MGRN1: variants seen among roughly 807,000 people sequenced by gnomAD.
MGRN1 encodes mahogunin ring finger 1.
Under a neutral mutation model 69.2 loss-of-function variants are expected in MGRN1, and 29 were observed. The ratio of observed to expected loss-of-function variants is 0.42; its 90% CI spans 0.31 to 0.57. The LOEUF is 0.57. Ranked by LOEUF, MGRN1 falls within the 20% of genes least tolerant of loss-of-function variation. The pLI is 0.15. For missense variants in MGRN1, 998 were observed against 796.2 expected (o/e 1.25, Z -3.05); for synonymous variants, 470 against 344.2 (o/e 1.37, Z -4.04).
intron 10 of MGRN1, chr16:4,677,214 C>A: frequency 2.6e-6 from 1 of 389,758 alleles, no homozygotes; most frequent in Non-Finnish European, 4.6e-6. Flanking sequence ...TGTCTCTCGT[C>A]TTTGGAGCGC....
intron 1 of MGRN1, among the ~76,000 whole-genome samples, chr16:4,625,916 G>A (rs1897656209): frequency 3.9e-5 from 6 of 152,198 alleles, no homozygotes; most frequent in Admixed American, 2.6e-4. Flanking sequence ...CTCAGATCCT[G>A]GCGTCTCATC....
At chr16:4,669,403 C>G (rs1338113876) in intron 8 of MGRN1, among the ~76,000 whole-genome samples, 1 of 139,768 alleles carries the variant, frequency 7.2e-6, no homozygotes, top group South Asian at 2.2e-4. Flanking sequence ...CACTGCACTC[C>G]AGCCTGGGTG....
At chr16:4,668,504 C>T (rs765883824) in intron 8 of MGRN1, among the ~76,000 whole-genome samples, 192 bp downstream of exon 8, 2 of 151,916 alleles carry the variant, frequency 1.3e-5, no homozygotes, top group Non-Finnish European at 2.9e-5. Context: ...CTCACATTCA[C>T]ACATATATAG....
rs766433794 is a variant in MGRN1 at position 4,682,853 on chromosome 16, C to T, written c.1389C>T (p.His463=). 5.0e-6 allele frequency: 8 copies of T among 1,605,236 alleles called. No individual in the cohort carries two copies. The highest frequency in any genetic ancestry group is 2.2e-5 in the East Asian group (1 of 44,540). ...TACGGTCCCCGTCTTCCCCCATCCA[C>T]GAAGAGGATGAGGAGAAGCTCTCCG... is the stretch of plus-strand genomic sequence containing the variant. ...STLRSPSSPI[H]EEDEEKLSED... Residue 463 remains histidine (H), a synonymous_variant, in exon 14 of 17, where the codon CAC becomes CAT. Transcript: ENST00000262370.
At chr16:4,673,394 C>A in intron 9 of MGRN1, 104 bp from the exon 10 acceptor site, 3 of 1,425,778 alleles carry the variant, frequency 2.1e-6, no homozygotes, top group Non-Finnish European at 2.8e-6. Flanking sequence ...GTCATGACAG[C>A]CCCCAGGGTA....
chr16:4,678,356 C>T (rs780256193), intron 11 of MGRN1, among the ~76,000 whole-genome samples: 4 of 152,122 alleles, frequency 2.6e-5, no homozygotes, highest in Non-Finnish European at 5.9e-5. Flanking sequence ...CACAGAGAAA[C>T]ACAGAGACAG....
chr16:4,686,585 A>T, intron 16 of MGRN1: 1 of 1,292,240 alleles, frequency 7.7e-7, no homozygotes, highest in Non-Finnish European at 9.8e-7. Context: ...GGGGCCCTGG[A>T]ACAGTCCCAG....
intron 1 of MGRN1, among the ~76,000 whole-genome samples, chr16:4,627,353 C>A (rs528320241): frequency 6.6e-6 from 1 of 152,212 alleles, no homozygotes; most frequent in Non-Finnish European, 1.5e-5. Context: ...TCTGCAGCAG[C>A]GCTCAGCTTG....
chr16:4,681,675 C>G lies in MGRN1; in HGVS notation c.1257C>G (p.Ile419Met). 6.2e-7 allele frequency: 1 copy of G among 1,613,480 alleles called. No homozygotes were observed. The highest frequency in any genetic ancestry group is 8.5e-7 in the Non-Finnish European group (1 of 1,180,018). ...PLYEEITYSG[I>M]SDGLSQASCP... is the part of the protein sequence containing the mutation. Reference sequence around the variant, plus strand: ...ATGAAGAAATCACCTATTCAGGCATCTCGGACGGCCTGTCCCAGGCCAGCT... The same window carrying G: ...ATGAAGAAATCACCTATTCAGGCATGTCGGACGGCCTGTCCCAGGCCAGCT... Residue 419 changes from isoleucine (I) to methionine (M), a missense_variant, in exon 13 of 17, where the codon ATC becomes ATG. Coordinates refer to ENST00000262370, the MANE Select transcript of MGRN1 (RefSeq NM_015246.4).
intron 5 of MGRN1, among the ~76,000 whole-genome samples, chr16:4,663,362 C>CTTT (rs1280170412): frequency 2.6e-4 from 14 of 52,866 alleles, no homozygotes; most frequent in African/African-American, 8.4e-4. Context: ...GGCACCTGGC[C>CTTT]TTGTTTTTTT....
chr16:4,664,520 GT>G (rs2078754381), intron 5 of MGRN1, 188 bp from the exon 6 acceptor site: 2 of 621,192 alleles, frequency 3.2e-6, no homozygotes, highest in Non-Finnish European at 5.8e-6. Flanking sequence ...TGTTGTATCT[GT>G]TTTAACACAC....
Position 4,624,925 on chromosome 16 carries a change from C to G in MGRN1, c.-36C>G. The G allele has an allele frequency of 6.7e-7, 1 of 1,497,498 alleles. No homozygotes were observed. The highest frequency in any genetic ancestry group is 3.0e-5 in the East Asian group (1 of 33,740). 92.8% of individuals were successfully genotyped at this position (1,497,498 alleles called of 1,614,324 possible). A position where few individuals can be genotyped will look rare whatever the true frequency, so the allele number is the denominator to read the frequency against. ...CCCGCCGCTGTCGCCGCTCCCGTTCCGGCCCTGGCCCCTCTGCCCGGCAGC... is the reference window on the plus strand; with the variant it reads ...CCCGCCGCTGTCGCCGCTCCCGTTCGGGCCCTGGCCCCTCTGCCCGGCAGC... On this transcript the variant is annotated 5_prime_UTR_variant, in exon 1 of 17. Transcript: ENST00000262370.
Position 4,683,880 on chromosome 16 carries a change from C to A in MGRN1, c.1566C>A (p.Asp522Glu). The A allele has an allele frequency of 6.2e-7, 1 of 1,612,960 alleles. No individual in the cohort carries two copies. Among genetic ancestry groups the A allele is most frequent in the African/African-American group, 1.3e-5 (1 of 75,018 alleles). ...CTTCCATTGAGAATGTCCTGCAGGA[C>A]AGCAGCCCCGAGCACTGTGGCCGAG... Reference protein sequence around the residue: ...RAASIENVLQDSSPEHCGRGP... With the variant: ...RAASIENVLQESSPEHCGRGP... Residue 522 changes from aspartate to glutamate, a missense_variant, in exon 16 of 17, where the codon GAC becomes GAA. Transcript: ENST00000262370.
chr16:4,684,054 C>A lies in MGRN1; in HGVS notation c.1618+122C>A, dbSNP rs561365226. 5 of 884,916 alleles carry A rather than the reference C, an allele frequency of 5.7e-6. No homozygotes were observed. In the African/African-American group the frequency reaches 6.7e-5, roughly 12 times the overall value. 54.8% of individuals were successfully genotyped at this position (884,916 alleles called of 1,614,324 possible). A position where few individuals can be genotyped will look rare whatever the true frequency, so the allele number is the denominator to read the frequency against. On this transcript the variant is annotated intron_variant, in intron 16 of 16. Coordinates refer to ENST00000262370, the MANE Select transcript of MGRN1 (RefSeq NM_015246.4). ...CTGTCCATTGGAGCCTGGTTCTCTCCCTGGCTCTCAGCCATGCCCCTGCTA... is the reference window on the plus strand; with the variant it reads ...CTGTCCATTGGAGCCTGGTTCTCTCACTGGCTCTCAGCCATGCCCCTGCTA...
chr16:4,663,519 A>T (rs893977850), intron 5 of MGRN1, among the ~76,000 whole-genome samples: 2 of 152,110 alleles, frequency 1.3e-5, no homozygotes, highest in Non-Finnish European at 2.9e-5. Flanking sequence ...TTCATTGAGA[A>T]ATAAATGATT....
intron 1 of MGRN1, among the ~76,000 whole-genome samples, chr16:4,647,885 C>A (rs1437588998): frequency 6.6e-6 from 1 of 152,128 alleles, no homozygotes; most frequent in Non-Finnish European, 1.5e-5. Flanking sequence ...AGCAGCCATG[C>A]TGGGCACCTG....
At chr16:4,660,666 G>A (rs921452797) in intron 5 of MGRN1, among the ~76,000 whole-genome samples, 5 of 152,232 alleles carry the variant, frequency 3.3e-5, no homozygotes, top group Non-Finnish European at 7.3e-5. Context: ...ATCACCTAAA[G>A]GAGTGGCTGC....
chr16:4,668,656 A>C (rs2078864412), intron 8 of MGRN1, among the ~76,000 whole-genome samples: 1 of 151,670 alleles, frequency 6.6e-6, no homozygotes, highest in Admixed American at 6.6e-5. Context: ...ACACTCATAT[A>C]CTCAGTCACA....
chr16:4,656,926 T>C lies in MGRN1; in HGVS notation c.444-320T>C, dbSNP rs371998551. ...ATAAATAAATAAATAAATAAATAAA[T>C]AAACAAACCAACTTAGCACCGATGG... is the stretch of plus-strand genomic sequence containing the variant. On this transcript the variant is annotated intron_variant, in intron 4 of 16. Transcript: ENST00000262370. 2.4e-3 allele frequency among the ~76,000 whole-genome samples: 298 copies of C among 122,048 alleles called. 1 individual carries two copies. The highest frequency in any genetic ancestry group is 6.5e-3 in the African/African-American group (216 of 33,042). The allele number at this position is 122,048 out of a possible 152,430, so 80.1% of individuals were successfully genotyped here. A position where few individuals can be genotyped will look rare whatever the true frequency, so the allele number is the denominator to read the frequency against.
Sources: gnomAD v4.1 joint callset for allele counts (sites outside exome capture counted in the v4.1 genomes callset) on GRCh38, gnomAD v4.1.1 for gene constraint, MANE v1.5 for transcripts, NCBI Gene and HGNC (gene_info 2026-07-23, HGNC 2026-07-21) for gene names.